Variants in PTPRN2 observed in about 807,000 individuals in gnomAD.
PTPRN2 encodes protein tyrosine phosphatase receptor type N2.
In PTPRN2, 74 loss-of-function variants were observed where a neutral mutation model predicts 118.8. That is an observed-to-expected ratio of 0.62 (90% CI 0.52 to 0.76). The LOEUF (loss-of-function observed/expected upper bound fraction) is 0.76, where lower values mean the gene tolerates loss of function less well. PTPRN2 is among the 30% of genes least tolerant of loss of function. The pLI, the probability that PTPRN2 is intolerant of heterozygous loss-of-function variation, is 0.00. For synonymous variants in PTPRN2, 641 were observed against 608.0 expected, an observed-to-expected ratio of 1.05 and a Z score of -0.80; for missense variants, 1,481 against 1,394.4, an observed-to-expected ratio of 1.06 and a Z score of -0.99.
At chr7:157,762,069 G>T (rs970494467) in intron 12 of PTPRN2, among the ~76,000 whole-genome samples, 2 of 151,988 alleles carry the variant, frequency 1.3e-5, no homozygotes, top group African/African-American at 4.8e-5. Flanking sequence ...AGTTAGAATG[G>T]CAATCATTAA....
At chr7:157,848,906 C>T (rs1021672617) in intron 12 of PTPRN2, among the ~76,000 whole-genome samples, 1 of 152,264 alleles carries the variant, frequency 6.6e-6, no homozygotes, top group Non-Finnish European at 1.5e-5. Context: ...GGACCACTCA[C>T]TTGGCCGCTG....
chr7:157,845,405 C>A lies in PTPRN2; in HGVS notation c.1788+53268G>T, dbSNP rs1563165399. Among the ~76,000 whole-genome samples the A allele has an allele frequency of 7.0e-6, 1 of 142,662 alleles. No individual in the cohort carries two copies. Among genetic ancestry groups the A allele is most frequent in the East Asian group, 1.9e-4 (1 of 5,162 alleles). The allele number at this position is 142,662 out of a possible 152,430, so 93.6% of individuals were successfully genotyped here. On this transcript the variant is annotated intron_variant, in intron 12 of 22. Coordinates refer to ENST00000389418, the MANE Select transcript of PTPRN2 (RefSeq NM_002847.5). This position sits in a 1 kb window ranked among gnomAD's most constrained non-coding sequence, Gnocchi z 4.5. Reference sequence around the variant, plus strand: ...ACAGTGAATCACGCAGCCTAACTCACCAGGTTACTGGCCTAACTCACCATG... The same window carrying A: ...ACAGTGAATCACGCAGCCTAACTCAACAGGTTACTGGCCTAACTCACCATG...
intron 11 of PTPRN2, among the ~76,000 whole-genome samples, chr7:158,018,871 G>T (rs1019715481): frequency 7.0e-6 from 1 of 141,878 alleles, no homozygotes; most frequent in African/African-American, 2.6e-5. Context: ...TGAGGCAGGA[G>T]AATCATTTGA....
intron 2 of PTPRN2, among the ~76,000 whole-genome samples, chr7:158,445,691 G>A (rs529455721): frequency 6.6e-6 from 1 of 152,250 alleles, no homozygotes; most frequent in Non-Finnish European, 1.5e-5. Context: ...GCTTCCTGCC[G>A]CATCTTGGGG....
At chr7:158,054,035 C>G (rs761578063) in intron 11 of PTPRN2, among the ~76,000 whole-genome samples, 4 of 151,382 alleles carry the variant, frequency 2.6e-5, no homozygotes, top group African/African-American at 4.9e-5. Context: ...TCCAGAGATG[C>G]AGAGACCCCA....
intron 18 of PTPRN2, among the ~76,000 whole-genome samples, chr7:157,577,655 G>A (rs1800128605): frequency 6.6e-6 from 1 of 152,196 alleles, no homozygotes; most frequent in African/African-American, 2.4e-5. Context: ...ATATGGGACC[G>A]GGACCACGCT....
rs1201563180 is a variant in PTPRN2, at chr7:157,676,885, G to T, written c.2001+5840C>A. Among the ~76,000 whole-genome samples the T allele has an allele frequency of 1.3e-5, 2 of 152,054 alleles. No homozygotes were observed. Among genetic ancestry groups the T allele is most frequent in the East Asian group, 3.9e-4 (2 of 5,162 alleles). ...GAGCGACCCTGGCTTTGACGAGAAGGAAGTGTTCTCTGGTTCTGGCAGAGA... is the reference window on the plus strand; with the variant it reads ...GAGCGACCCTGGCTTTGACGAGAAGTAAGTGTTCTCTGGTTCTGGCAGAGA... On this transcript the variant is annotated intron_variant, in intron 13 of 22. Transcript: ENST00000389418. The surrounding 1 kb of genome is among the most constrained non-coding windows in gnomAD (Gnocchi z 5.6).
At chr7:158,189,852 G>T (rs1318824050) in intron 5 of PTPRN2, among the ~76,000 whole-genome samples, 3 of 152,234 alleles carry the variant, frequency 2.0e-5, no homozygotes, top group African/African-American at 7.2e-5. Flanking sequence ...GGCAGAGGAG[G>T]AGGACAAAGC....
chr7:157,910,397 C>A (rs1798030128), intron 11 of PTPRN2, among the ~76,000 whole-genome samples: 1 of 143,926 alleles, frequency 6.9e-6, no homozygotes, highest in Admixed American at 6.8e-5. Flanking sequence ...GCCGTGGGGA[C>A]GGGTCCAGGA....
chr7:158,534,333 G>A (rs975683477), intron 1 of PTPRN2, among the ~76,000 whole-genome samples: 22 of 150,776 alleles, frequency 1.5e-4, no homozygotes, highest in African/African-American at 5.4e-4. Context: ...CGTCAGGGAT[G>A]GCTGTGGGTG....
At chr7:157,993,888 A>AG (rs1452338114) in intron 11 of PTPRN2, among the ~76,000 whole-genome samples, 1 of 152,146 alleles carries the variant, frequency 6.6e-6, no homozygotes, top group Non-Finnish European at 1.5e-5. Context: ...ACAAAACCCA[A>AG]GGGGGGTCAG....
intron 1 of PTPRN2, among the ~76,000 whole-genome samples, chr7:158,566,458 GC>G (rs1195907681): frequency 6.6e-6 from 1 of 152,160 alleles, no homozygotes; most frequent in Non-Finnish European, 1.5e-5. Flanking sequence ...TGGGAAACAG[GC>G]CCCATAGCGG....
At chr7:158,061,639 G>A (rs924761776) in intron 11 of PTPRN2, among the ~76,000 whole-genome samples, 7 of 152,218 alleles carry the variant, frequency 4.6e-5, no homozygotes, top group African/African-American at 1.7e-4. Context: ...GTGGCTCCAG[G>A]ATTGTCATTT....
chr7:158,244,744 G>A (rs1796098992), intron 3 of PTPRN2, among the ~76,000 whole-genome samples: 1 of 150,034 alleles, frequency 6.7e-6, no homozygotes, highest in Non-Finnish European at 1.5e-5. Context: ...GTGTGTGTGA[G>A]TTGTGTGGTT....
chr7:157,876,818 T>G (rs1795794704), intron 12 of PTPRN2, among the ~76,000 whole-genome samples: 1 of 152,186 alleles, frequency 6.6e-6, no homozygotes, highest in Admixed American at 6.5e-5. Context: ...AGCAGCCACC[T>G]GGGGACAGTG....
intron 9 of PTPRN2, among the ~76,000 whole-genome samples, chr7:158,131,064 AACAC>A (rs202027642): frequency 6.6e-6 from 1 of 151,008 alleles, no homozygotes; most frequent in Admixed American, 6.6e-5. Context: ...ACACCTGCCC[AACAC>A]ACACACTTAT....
intron 11 of PTPRN2, among the ~76,000 whole-genome samples, chr7:157,997,728 A>G (rs2128854992): frequency 6.7e-6 from 1 of 150,116 alleles, no homozygotes; most frequent in African/African-American, 2.5e-5. Context: ...GGCAGAGACC[A>G]GTGGGTCATA....
intron 12 of PTPRN2, among the ~76,000 whole-genome samples, chr7:157,731,578 ACTCTTTTC>A (rs1799918448): frequency 8.6e-6 from 1 of 115,652 alleles, no homozygotes; most frequent in Non-Finnish European, 1.9e-5. Flanking sequence ...CAGCACAGTT[ACTCTTTTC>A]CACCCCATGC....
chr7:158,057,585 G>A (rs919120491), intron 11 of PTPRN2, among the ~76,000 whole-genome samples: 2 of 152,230 alleles, frequency 1.3e-5, no homozygotes, highest in African/African-American at 4.8e-5. Flanking sequence ...GTGGCCTGGA[G>A]TGGGTGAGGC....
Sources: gnomAD v4.1 joint callset for allele counts (sites outside exome capture counted in the v4.1 genomes callset) on GRCh38, gnomAD v4.1.1 for gene constraint, Gnocchi (gnomAD v3.1) non-coding constraint, MANE v1.5 for transcripts, NCBI Gene and HGNC (gene_info 2026-07-23, HGNC 2026-07-21) for gene names.